Variants in CDH11 observed in about 807,000 individuals in gnomAD.
The protein encoded by CDH11 is cadherin 11.
A neutral mutation model predicts 67.8 loss-of-function variants in CDH11; 11 were observed. The observed-to-expected ratio is 0.16, with a 90% CI of 0.10 to 0.27. The LOEUF (loss-of-function observed/expected upper bound fraction) is 0.27, where lower values mean the gene tolerates loss of function less well. CDH11 is among the 10% of genes least tolerant of loss of function. The pLI, the probability that CDH11 is intolerant of heterozygous loss-of-function variation, is 1.00. For missense variants in CDH11, 847 were observed against 1,031.2 expected, an observed-to-expected ratio of 0.82 and a Z score of 2.45; for synonymous variants, 419 against 400.0, an observed-to-expected ratio of 1.05 and a Z score of -0.57.
chr16:65,100,669 T>C (rs1229647680), intron 1 of CDH11, among the ~76,000 whole-genome samples: 2 of 139,832 alleles, frequency 1.4e-5, no homozygotes, highest in Non-Finnish European at 3.0e-5. Context: ...ACCCAGGAGG[T>C]GGAGGTTACA....
At chr16:65,069,526 G>A (rs549947318) in intron 1 of CDH11, among the ~76,000 whole-genome samples, 136 of 152,266 alleles carry the variant, frequency 8.9e-4, no homozygotes, top group Non-Finnish European at 1.5e-3. Flanking sequence ...CACATCTAAA[G>A]TGAGCTTGGG....
intron 8 of CDH11, 138 bp downstream of exon 8, chr16:64,981,910 A>T: frequency 1.4e-6 from 1 of 722,682 alleles, no homozygotes. Flanking sequence ...TCTAAATCTT[A>T]ATCTTGTTTA....
chr16:65,112,007 T>C (rs1014295829), intron 1 of CDH11, among the ~76,000 whole-genome samples: 13 of 147,946 alleles, frequency 8.8e-5, no homozygotes, highest in African/African-American at 3.3e-4. Context: ...GAAGTGGAGG[T>C]TGCAATGAGC....
chr16:64,963,274 G>A (rs989315169), intron 11 of CDH11, among the ~76,000 whole-genome samples: 6 of 152,120 alleles, frequency 3.9e-5, no homozygotes, highest in Non-Finnish European at 8.8e-5. Flanking sequence ...AGAACCAAAA[G>A]AAACACTAGA....
At chr16:64,954,020 A>G (rs548729576) in intron 11 of CDH11, among the ~76,000 whole-genome samples, 5 of 152,334 alleles carry the variant, frequency 3.3e-5, no homozygotes, top group African/African-American at 1.2e-4. Flanking sequence ...TGTGCCATCC[A>G]GGCAGACCTG....
intron 8 of CDH11, among the ~76,000 whole-genome samples, chr16:64,979,262 C>A (rs2072261629): frequency 6.6e-6 from 1 of 152,068 alleles, no homozygotes; most frequent in African/African-American, 2.4e-5. Context: ...CCAGCGTGGC[C>A]AACATGGCAA....
At chr16:64,959,604 C>A (rs1293945734) in intron 11 of CDH11, among the ~76,000 whole-genome samples, 1 of 152,106 alleles carries the variant, frequency 6.6e-6, no homozygotes, top group African/African-American at 2.4e-5. Context: ...CTGTGTGAGA[C>A]AAACTGCAGC....
Position 65,121,884 on chromosome 16 carries a change from G to C in CDH11, c.-302C>G, listed in dbSNP as rs1387475574. On this transcript the variant is annotated 5_prime_UTR_variant, in exon 1 of 13. Coordinates refer to ENST00000268603, the MANE Select transcript of CDH11 (RefSeq NM_001797.4). This position sits in a 1 kb window ranked among gnomAD's most constrained non-coding sequence, Gnocchi z 4.1. ...GGGACTGGCGGCGCACCTCACCTGG[G>C]GCCCTTGAGGGTGGACGCAACCTCC... The C allele has an allele frequency of 1.4e-6, 1 of 701,858 alleles. No individual in the cohort carries two copies. The highest frequency in any genetic ancestry group is 2.6e-6 in the Non-Finnish European group (1 of 384,658). 43.5% of individuals were successfully genotyped at this position (701,858 alleles called of 1,614,324 possible).
chr16:65,063,620 A>C (rs6416688), intron 1 of CDH11, among the ~76,000 whole-genome samples: 138,411 of 152,212 alleles, frequency 0.91, 62,998 homozygotes, highest in East Asian at 1. Context: ...TTTTAAAATG[A>C]CTCCTTGGCT....
chr16:65,071,779 A>G (rs1271590249), intron 1 of CDH11, among the ~76,000 whole-genome samples: 3 of 152,142 alleles, frequency 2.0e-5, no homozygotes, highest in African/African-American at 7.2e-5. Flanking sequence ...ATAAAAACAA[A>G]CTCTGAATCA....
chr16:64,947,475 C>G lies in CDH11; in HGVS notation c.*128G>C. On this transcript the variant is annotated 3_prime_UTR_variant, in exon 13 of 13. Coordinates refer to ENST00000268603, the MANE Select transcript of CDH11 (RefSeq NM_001797.4). ...GTCCTCGCAGTTTTATTAAATGTAT[C>G]CTCTCTGTAAAACTTTGCCTGTTTT... is the stretch of plus-strand genomic sequence containing the variant. 1 of 1,489,478 alleles carries G rather than the reference C, an allele frequency of 6.7e-7. No homozygotes were observed. Among genetic ancestry groups the G allele is most frequent in the Non-Finnish European group, 8.9e-7 (1 of 1,121,450 alleles). 92.3% of individuals were successfully genotyped at this position (1,489,478 alleles called of 1,614,324 possible). A position where few individuals can be genotyped will look rare whatever the true frequency, so the allele number is the denominator to read the frequency against.
At chr16:65,065,540 T>A (rs541523024) in intron 1 of CDH11, among the ~76,000 whole-genome samples, 1 of 152,318 alleles carries the variant, frequency 6.6e-6, no homozygotes, top group African/African-American at 2.4e-5. Context: ...TGAGCTGTAT[T>A]GCAGCCATTC....
intron 11 of CDH11, among the ~76,000 whole-genome samples, chr16:64,959,899 G>A (rs1360667562): frequency 6.6e-6 from 1 of 152,210 alleles, no homozygotes; most frequent in African/African-American, 2.4e-5. Flanking sequence ...TTTAATCTGA[G>A]TGAATCTGTC....
At chr16:65,078,042 C>T (rs1597166104) in intron 1 of CDH11, among the ~76,000 whole-genome samples, 1 of 152,202 alleles carries the variant, frequency 6.6e-6, no homozygotes, top group Admixed American at 6.5e-5. Context: ...ATCACTTGCT[C>T]TAGCAATCCT....
chr16:64,979,822 T>C (rs907904186), intron 8 of CDH11, among the ~76,000 whole-genome samples: 11 of 151,980 alleles, frequency 7.2e-5, no homozygotes, highest in African/African-American at 2.7e-4. Context: ...CAAACATGTA[T>C]CCAAATGATA....
intron 1 of CDH11, among the ~76,000 whole-genome samples, chr16:65,120,988 G>A (rs2075317945): frequency 6.6e-6 from 1 of 152,220 alleles, no homozygotes; most frequent in South Asian, 2.1e-4. Flanking sequence ...CCCGGCTCGC[G>A]TTCCGGGGCA....
chr16:64,948,454 T>G (rs1292507769), intron 12 of CDH11: 4 of 710,680 alleles, frequency 5.6e-6, no homozygotes, highest in Non-Finnish European at 9.7e-6. Flanking sequence ...AATGCCAATT[T>G]CTCTTTGCAA....
Position 64,993,093 on chromosome 16 carries a change from G to T in CDH11, c.524-59C>A, listed in dbSNP as rs980307049. On this transcript the variant is annotated intron_variant, in intron 4 of 12. Coordinates refer to ENST00000268603, the MANE Select transcript of CDH11 (RefSeq NM_001797.4). Reference sequence around the variant, plus strand: ...CCTCAGATTTTCAAATTATGTTCTTGTTTACAAAGTTTTATTCTAAAATTA... The same window carrying T: ...CCTCAGATTTTCAAATTATGTTCTTTTTTACAAAGTTTTATTCTAAAATTA... 9 of 1,397,724 alleles carry T rather than the reference G, an allele frequency of 6.4e-6. No homozygotes were observed. The African/African-American group carries it at 8.5e-5, about 13-fold the overall frequency. The allele number at this position is 1,397,724 out of a possible 1,614,324, so 86.6% of individuals were successfully genotyped here.
intron 2 of CDH11, among the ~76,000 whole-genome samples, chr16:65,040,818 T>C (rs2073854199): frequency 1.3e-5 from 2 of 152,244 alleles, no homozygotes; most frequent in Non-Finnish European, 2.9e-5. Context: ...TGACATGTAA[T>C]ATGTTATATA....
Sources: gnomAD v4.1 joint callset for allele counts (sites outside exome capture counted in the v4.1 genomes callset) on GRCh38, gnomAD v4.1.1 for gene constraint, Gnocchi (gnomAD v3.1) non-coding constraint, MANE v1.5 for transcripts, NCBI Gene and HGNC (gene_info 2026-07-23, HGNC 2026-07-21) for gene names.